The following RERE variants were observed in gnomAD, a reference collection of about 807,000 sequenced individuals.
RERE encodes arginine-glutamic acid dipeptide repeats protein.
A neutral mutation model predicts 146.1 loss-of-function variants in RERE; 40 were observed. The ratio of observed to expected loss-of-function variants is 0.27; its 90% CI spans 0.21 to 0.36. The LOEUF is 0.36. Among genes scored for constraint, RERE ranks in the 10% least tolerant of loss-of-function variants. RERE has a pLI of 1.00. For missense variants in RERE, 1,933 were observed against 2,138.7 expected (o/e 0.90, Z 1.90); for synonymous variants, 1,003 against 866.0 (o/e 1.16, Z -2.78).
At chr1:8,696,045 G>A (rs1231835075) in intron 1 of RERE, among the ~76,000 whole-genome samples, 1 of 152,148 alleles carries the variant, frequency 6.6e-6, no homozygotes, top group African/African-American at 2.4e-5. Flanking sequence ...TCTCACGCCA[G>A]TCAGAATGGC....
intron 1 of RERE, among the ~76,000 whole-genome samples, chr1:8,804,996 G>GGTTTT (rs1557553291): frequency 2.6e-5 from 3 of 116,360 alleles, no homozygotes; most frequent in African/African-American, 9.5e-5. Context: ...TTTTTGTTTT[G>GGTTTT]TTTTGTTTTT....
intron 4 of RERE, among the ~76,000 whole-genome samples, chr1:8,572,063 C>CT (rs1436391401): frequency 2.0e-5 from 3 of 152,108 alleles, no homozygotes; most frequent in Admixed American, 6.5e-5. Context: ...CTCTTGTCAT[C>CT]TTTTTTCAAA....
At chr1:8,487,255 T>C (rs79657490) in intron 10 of RERE, among the ~76,000 whole-genome samples, 4,290 of 152,074 alleles carry the variant, frequency 0.028, 177 homozygotes, top group African/African-American at 0.097. Context: ...CTCAACAACC[T>C]GGATATATAA....
chr1:8,493,508 T>C (rs914127534), intron 10 of RERE, among the ~76,000 whole-genome samples: 2 of 152,186 alleles, frequency 1.3e-5, no homozygotes, highest in African/African-American at 4.8e-5. Context: ...AAATCAGCCA[T>C]ATCACGCAGA....
Position 8,786,937 on chromosome 1 carries a change from G to A in RERE, c.-145+30223C>T. 8.5e-6 allele frequency: 6 copies of A among 705,278 alleles called. 1 individual carries two copies. The South Asian group carries it at 9.7e-5, about 11-fold the overall frequency. The allele number at this position is 705,278 out of a possible 1,614,324, so 43.7% of individuals were successfully genotyped here. A position where few individuals can be genotyped will look rare whatever the true frequency, so the allele number is the denominator to read the frequency against. Reference sequence around the variant, plus strand: ...CTTCTTCTCTTCAACACCCTCCATGGTTCCAGCTGGTAAAGATCGCAGTCT... The same window carrying A: ...CTTCTTCTCTTCAACACCCTCCATGATTCCAGCTGGTAAAGATCGCAGTCT... On this transcript the variant is annotated intron_variant, in intron 1 of 22. Transcript: ENST00000400908.
chr1:8,441,253 C>T (rs953753601), intron 11 of RERE, among the ~76,000 whole-genome samples: 13 of 152,270 alleles, frequency 8.5e-5, no homozygotes, highest in African/African-American at 3.1e-4. Context: ...CCATAGTCCG[C>T]AAAATGGGAT....
At chr1:8,692,172 G>A (rs1639220231) in intron 1 of RERE, among the ~76,000 whole-genome samples, 1 of 152,090 alleles carries the variant, frequency 6.6e-6, no homozygotes, top group Non-Finnish European at 1.5e-5. Context: ...AGAACACAGG[G>A]AAACTGAGGG....
intron 4 of RERE, among the ~76,000 whole-genome samples, chr1:8,585,516 A>T (rs1451623042): frequency 6.6e-6 from 1 of 152,190 alleles, no homozygotes; most frequent in Non-Finnish European, 1.5e-5. Flanking sequence ...GATGCTAATT[A>T]TGTGTCTGCT....
chr1:8,625,879 C>G (rs1284080359), intron 2 of RERE, among the ~76,000 whole-genome samples: 1 of 152,168 alleles, frequency 6.6e-6, no homozygotes, highest in Non-Finnish European at 1.5e-5. Flanking sequence ...AAAAGGCACT[C>G]TAGAAAAAGA....
intron 1 of RERE, among the ~76,000 whole-genome samples, chr1:8,668,340 T>C (rs548162922): frequency 2.5e-4 from 38 of 152,280 alleles, no homozygotes; most frequent in Middle Eastern, 3.4e-3. Flanking sequence ...TGAAGCTTGC[T>C]AGGAACAGAA....
chr1:8,763,630 G>A (rs1011704152), intron 1 of RERE, among the ~76,000 whole-genome samples: 1 of 151,820 alleles, frequency 6.6e-6, no homozygotes, highest in African/African-American at 2.4e-5. Context: ...GCTAGACTCC[G>A]TCTCAAAAAA....
chr1:8,696,807 G>A (rs1241183858), intron 1 of RERE, among the ~76,000 whole-genome samples: 2 of 152,144 alleles, frequency 1.3e-5, no homozygotes, highest in African/African-American at 2.4e-5. Flanking sequence ...CTACTCAGGA[G>A]GCTGAGGCAG....
chr1:8,805,949 T>C (rs535007180), intron 1 of RERE: 1 of 148,300 alleles, frequency 6.7e-6, no homozygotes, highest in East Asian at 2.0e-4. Context: ...CCTCCCGGGT[T>C]CAAGAGATTC....
At chr1:8,587,336 G>GGAAC (rs1225135095) in intron 4 of RERE, among the ~76,000 whole-genome samples, 1 of 152,064 alleles carries the variant, frequency 6.6e-6, no homozygotes, top group Middle Eastern at 3.2e-3. Flanking sequence ...CCCTTACAAG[G>GGAAC]GAACACTACA....
chr1:8,794,541 T>C (rs1276528510), intron 1 of RERE, among the ~76,000 whole-genome samples: 1 of 152,030 alleles, frequency 6.6e-6, no homozygotes. Context: ...CCATTGTATT[T>C]TTCCACAAAA....
At chr1:8,471,547 A>AC (rs1457380655) in intron 10 of RERE, among the ~76,000 whole-genome samples, 1 of 130,500 alleles carries the variant, frequency 7.7e-6, no homozygotes, top group Non-Finnish European at 1.6e-5. Context: ...AAAGAGTTTC[A>AC]CTCTGTTGCC....
intron 12 of RERE, among the ~76,000 whole-genome samples, chr1:8,396,190 G>C (rs1044549524): frequency 1.3e-5 from 2 of 152,158 alleles, no homozygotes; most frequent in Non-Finnish European, 2.9e-5. Context: ...AAAGTGGGAG[G>C]GGGGAAGGGC....
intron 4 of RERE, among the ~76,000 whole-genome samples, chr1:8,577,541 T>C (rs1646311294): frequency 6.6e-6 from 1 of 152,230 alleles, no homozygotes; most frequent in African/African-American, 2.4e-5. Flanking sequence ...CGTTTTCAAC[T>C]GCCTGTAGAA....
At chr1:8,456,792 GTATCTGCAAGGC>G (rs1388455137) in intron 11 of RERE, among the ~76,000 whole-genome samples, 2 of 152,116 alleles carry the variant, frequency 1.3e-5, no homozygotes, top group Non-Finnish European at 2.9e-5. Flanking sequence ...CTTCCCCTAT[GTATCTGCAAGGC>G]TAGCTTCCTC....
Sources: allele counts gnomAD v4.1 joint callset (sites outside exome capture counted in the v4.1 genomes callset), GRCh38; gene constraint gnomAD v4.1.1; transcripts MANE v1.5; gene names NCBI Gene and HGNC (gene_info 2026-07-23, HGNC 2026-07-21).